Variants in PIBF1 observed in about 807,000 individuals in gnomAD.
PIBF1 encodes the protein progesterone-induced-blocking factor 1.
PIBF1 carries 90 observed loss-of-function variants against 112.5 expected under a neutral mutation model. The observed-to-expected ratio is 0.80, with a 90% CI of 0.67 to 0.95. PIBF1 has a LOEUF of 0.95. Ranked by LOEUF, PIBF1 falls within the 40% of genes least tolerant of loss-of-function variation. The pLI is 0.00. For missense variants in PIBF1, 915 were observed against 852.3 expected, an observed-to-expected ratio of 1.07 and a Z score of -0.92; for synonymous variants, 301 against 288.6, an observed-to-expected ratio of 1.04 and a Z score of -0.44.
chr13:73,010,337 T>C (rs566861233), intron 17 of PIBF1, among the ~76,000 whole-genome samples: 1 of 150,714 alleles, frequency 6.6e-6, no homozygotes, highest in East Asian at 2.0e-4. Flanking sequence ...GTGCTGTGGC[T>C]CACACCTGTA....
chr13:73,007,241 G>C (rs1435652112), intron 17 of PIBF1, among the ~76,000 whole-genome samples: 1 of 150,760 alleles, frequency 6.6e-6, no homozygotes, highest in Non-Finnish European at 1.5e-5. Context: ...AAACACTGCT[G>C]ATCAAAGAGC....
Position 72,820,480 on chromosome 13 carries a change from A to C in PIBF1, c.673-1369A>C, listed in dbSNP as rs148950577. Among the ~76,000 whole-genome samples the C allele has an allele frequency of 2.8e-4, 42 of 152,296 alleles. No individual in the cohort carries two copies. In the East Asian group the frequency reaches 6.6e-3, roughly 24 times the overall value. ...ACATTCCATTCTCATGGAAAACTTC[A>C]GCGTAGAACAAGAACATAATACCAT... On this transcript the variant is annotated intron_variant, in intron 5 of 17. Coordinates refer to ENST00000326291, the MANE Select transcript of PIBF1 (RefSeq NM_006346.4).
chr13:72,871,730 A>G (rs1380485019), intron 10 of PIBF1, among the ~76,000 whole-genome samples: 3 of 152,156 alleles, frequency 2.0e-5, no homozygotes, highest in South Asian at 2.1e-4. Flanking sequence ...TGCCATATAT[A>G]CATGCTAATA....
At chr13:72,884,095 A>G (rs2039751262) in intron 10 of PIBF1, among the ~76,000 whole-genome samples, 1 of 152,220 alleles carries the variant, frequency 6.6e-6, no homozygotes, top group Non-Finnish European at 1.5e-5. Flanking sequence ...TATACGTACT[A>G]CGTACCTATA....
In PIBF1 at chr13:72,944,720, T is replaced by C. The variant is rs565922946; in HGVS notation, c.1833+13453T>C. On this transcript the variant is annotated intron_variant, in intron 14 of 17. Transcript: ENST00000326291. The stretch of plus-strand genomic sequence containing the variant: ...TGTTCTTGTTTTTTAATTTCAACTT[T>C]TATTTTAGATTCAGGGGTACATGGG... 1.7e-3 allele frequency among the ~76,000 whole-genome samples: 263 copies of C among 152,238 alleles called. 3 individuals are homozygous for C. Among genetic ancestry groups the C allele is most frequent in the African/African-American group, 6.0e-3 (250 of 41,532 alleles).
intron 10 of PIBF1, among the ~76,000 whole-genome samples, chr13:72,888,361 A>G (rs2039936646): frequency 6.6e-6 from 1 of 152,192 alleles, no homozygotes; most frequent in East Asian, 1.9e-4. Flanking sequence ...AGAGAATAAT[A>G]TCAAATATTG....
chr13:72,810,575 CAT>C (rs2035960179), intron 5 of PIBF1, among the ~76,000 whole-genome samples: 2 of 152,172 alleles, frequency 1.3e-5, no homozygotes, highest in African/African-American at 4.8e-5. Flanking sequence ...ATTGATGAAA[CAT>C]ATTTGTTTAT....
At chr13:72,870,078 T>C (rs906977664) in intron 10 of PIBF1, among the ~76,000 whole-genome samples, 11 of 152,238 alleles carry the variant, frequency 7.2e-5, no homozygotes, top group Non-Finnish European at 1.6e-4. Flanking sequence ...TCCCACATAA[T>C]TGTACATGAC....
At chr13:72,816,412 G>A (rs1036411797) in intron 5 of PIBF1, among the ~76,000 whole-genome samples, 1 of 152,036 alleles carries the variant, frequency 6.6e-6, no homozygotes, top group Non-Finnish European at 1.5e-5. Context: ...GGCTATAATC[G>A]CAGCACTTTT....
intron 10 of PIBF1, among the ~76,000 whole-genome samples, chr13:72,887,590 A>C (rs1033575400): frequency 6.6e-6 from 1 of 152,056 alleles, no homozygotes; most frequent in African/African-American, 2.4e-5. Flanking sequence ...GATATATCTA[A>C]GCCAAAATTA....
intron 16 of PIBF1, among the ~76,000 whole-genome samples, chr13:72,982,650 A>G (rs1374905021): frequency 6.6e-6 from 1 of 152,182 alleles, no homozygotes; most frequent in East Asian, 1.9e-4. Context: ...TATTTAGCAG[A>G]TAATAAGTAC....
chr13:72,967,952 G>A (rs942441253), intron 15 of PIBF1, among the ~76,000 whole-genome samples: 2 of 152,008 alleles, frequency 1.3e-5, no homozygotes, highest in Non-Finnish European at 2.9e-5. Context: ...TTGGGAGGCC[G>A]AGGCGGGCGG....
chr13:72,925,542 C>CTTTTTTTTTTTTTTTTT (rs59074858), intron 13 of PIBF1, among the ~76,000 whole-genome samples: 4 of 102,034 alleles, frequency 3.9e-5, no homozygotes, highest in Admixed American at 1.3e-4. Flanking sequence ...CTTTCTCTCT[C>CTTTTTTTTTTTTTTTTT]TTTTTTTTTT....
In PIBF1 at chr13:73,010,028, A is replaced by G. The variant is rs144762634; in HGVS notation, c.2224-5841A>G. Among the ~76,000 whole-genome samples, 156 of 152,328 alleles carry G rather than the reference A, an allele frequency of 1.0e-3. 2 individuals are homozygous for G. In the East Asian group the frequency reaches 0.02, roughly 20 times the overall value. On this transcript the variant is annotated intron_variant, in intron 17 of 17. Transcript: ENST00000326291. The stretch of plus-strand genomic sequence containing the variant: ...AGTTTAGTATCAGTTCATTGAGGAA[A>G]TGCAAATGTACAAACCAATTCTGCA...
chr13:72,809,360 A>G (rs1237538758), intron 5 of PIBF1, among the ~76,000 whole-genome samples: 1 of 151,802 alleles, frequency 6.6e-6, no homozygotes, highest in East Asian at 1.9e-4. Flanking sequence ...TTTGTGTTCC[A>G]TAATATGTAT....
chr13:72,930,088 G>A (rs987528420), intron 13 of PIBF1, among the ~76,000 whole-genome samples: 1 of 152,100 alleles, frequency 6.6e-6, no homozygotes, highest in Admixed American at 6.6e-5. Context: ...TTGAATTCCT[G>A]GCCTCAAGTG....
chr13:72,954,916 T>C (rs1380370955), intron 14 of PIBF1, among the ~76,000 whole-genome samples: 2 of 152,162 alleles, frequency 1.3e-5, no homozygotes, highest in African/African-American at 2.4e-5. Context: ...CTTGGTATCC[T>C]CCCTACAGTA....
At chr13:73,013,319 A>AAAAG (rs1566548636) in intron 17 of PIBF1, among the ~76,000 whole-genome samples, 1 of 130,572 alleles carries the variant, frequency 7.7e-6, no homozygotes, top group Non-Finnish European at 1.6e-5. Flanking sequence ...AAAAAAAAAA[A>AAAAG]AAAAAAAGAA....
intron 17 of PIBF1, among the ~76,000 whole-genome samples, chr13:73,013,731 CAAAAAAAAA>C (rs113104076): frequency 1.8e-5 from 2 of 113,060 alleles, no homozygotes; most frequent in Admixed American, 2.2e-4. Context: ...GAGCCTATCT[CAAAAAAAAA>C]AAAAAAAAAA....
Sources: allele counts gnomAD v4.1 joint callset (sites outside exome capture counted in the v4.1 genomes callset), GRCh38; gene constraint gnomAD v4.1.1; transcripts MANE v1.5; gene names NCBI Gene and HGNC (gene_info 2026-07-23, HGNC 2026-07-21).